TESK2: variants seen among roughly 807,000 people sequenced by gnomAD.
TESK2 encodes testis associated actin remodelling kinase 2.
TESK2 carries 39 observed loss-of-function variants against 57.1 expected under a neutral mutation model. The observed-to-expected ratio is 0.68, with a 90% CI of 0.53 to 0.89. The LOEUF (loss-of-function observed/expected upper bound fraction) is 0.89. Ranked by LOEUF, TESK2 falls within the 40% of genes least tolerant of loss-of-function variation. TESK2 has a pLI of 0.00. For synonymous variants in TESK2, 249 were observed against 267.9 expected (o/e 0.93, Z 0.69); for missense variants, 646 against 732.1 (o/e 0.88, Z 1.36).
At chr1:45,416,809 CAG>C (rs972623907) in intron 3 of TESK2, among the ~76,000 whole-genome samples, 3 of 149,962 alleles carry the variant, frequency 2.0e-5, no homozygotes, top group Middle Eastern at 3.4e-3. Flanking sequence ...TTTTTTGAGA[CAG>C]AGTCTTGCTC....
chr1:45,370,582 G>C (rs1329395915), intron 4 of TESK2, among the ~76,000 whole-genome samples: 4 of 152,132 alleles, frequency 2.6e-5, no homozygotes, highest in Non-Finnish European at 5.9e-5. Flanking sequence ...AACTACTCTT[G>C]GAAGATCAGA....
rs74227009 is a variant in TESK2, at chr1:45,381,802, A to T, written c.393+4110T>A. ...TACACTTCCCTGATACTTGTGACTA[A>T]GTGAAAGACAAGGTTAGGTCTTGTG... On this transcript the variant is annotated intron_variant, in intron 4 of 10. Transcript: ENST00000372086. Among the ~76,000 whole-genome samples the T allele has an allele frequency of 6.3e-4, 95 of 151,348 alleles. No homozygotes were observed. In the East Asian group the frequency reaches 0.014, roughly 22 times the overall value.
chr1:45,414,569 G>A (rs556695354), intron 3 of TESK2, among the ~76,000 whole-genome samples: 80 of 152,268 alleles, frequency 5.3e-4, no homozygotes, highest in African/African-American at 1.8e-3. Flanking sequence ...AGGATCAAAA[G>A]GAGATAAGCT....
At chr1:45,485,325 C>T (rs1653420147) in intron 1 of TESK2, among the ~76,000 whole-genome samples, 1 of 150,182 alleles carries the variant, frequency 6.7e-6, no homozygotes, top group South Asian at 2.1e-4. Flanking sequence ...GTAGCTGGGA[C>T]GACATACATG....
Position 45,376,586 on chromosome 1 carries a change from C to T in TESK2, c.393+9326G>A, listed in dbSNP as rs374442726. Among the ~76,000 whole-genome samples, 4 of 152,112 alleles carry T rather than the reference C, an allele frequency of 2.6e-5. No homozygotes were observed. The East Asian group carries it at 7.7e-4, about 29-fold the overall frequency. On this transcript the variant is annotated intron_variant, in intron 4 of 10. Coordinates refer to ENST00000372086, the MANE Select transcript of TESK2 (RefSeq NM_007170.3). ...TTCAGCTTTCTTAGAGTTGGGTCTA[C>T]ACTAGACCATCAACTACAAACACAC... is the stretch of plus-strand genomic sequence containing the variant.
intron 4 of TESK2, among the ~76,000 whole-genome samples, chr1:45,372,623 T>C (rs1342394896): frequency 6.6e-6 from 1 of 151,660 alleles, no homozygotes; most frequent in African/African-American, 2.4e-5. Context: ...CAGTAGCTAC[T>C]GTCCCTATTA....
intron 4 of TESK2, among the ~76,000 whole-genome samples, chr1:45,379,925 G>C (rs1402562317): frequency 1.3e-5 from 2 of 151,864 alleles, no homozygotes; most frequent in Non-Finnish European, 2.9e-5. Context: ...GTCTCGCTCT[G>C]TTGCCTAGAG....
intron 3 of TESK2, among the ~76,000 whole-genome samples, chr1:45,397,751 G>T (rs540110792): frequency 5.9e-5 from 9 of 152,030 alleles, no homozygotes; most frequent in Non-Finnish European, 1.2e-4. Context: ...ATATTGTTGT[G>T]AGAATGAGTC....
intron 3 of TESK2, among the ~76,000 whole-genome samples, chr1:45,415,589 TGAAA>T (rs1219907836): frequency 6.6e-6 from 1 of 152,124 alleles, no homozygotes; most frequent in African/African-American, 2.4e-5. Flanking sequence ...AATAGGCCAC[TGAAA>T]GAAGCAGCCA....
chr1:45,462,545 T>C (rs942617695), intron 1 of TESK2, among the ~76,000 whole-genome samples: 4 of 152,240 alleles, frequency 2.6e-5, no homozygotes, highest in Admixed American at 6.5e-5. Context: ...GTGCTGAGAT[T>C]ACAGGCGTGA....
At chr1:45,403,745 T>C (rs1364399697) in intron 3 of TESK2, among the ~76,000 whole-genome samples, 3 of 152,090 alleles carry the variant, frequency 2.0e-5, no homozygotes, top group African/African-American at 7.2e-5. Flanking sequence ...GTTTAATAAA[T>C]AGAAAACAGC....
chr1:45,400,730 G>A (rs528161224), intron 3 of TESK2, among the ~76,000 whole-genome samples: 18 of 152,086 alleles, frequency 1.2e-4, no homozygotes, highest in Admixed American at 3.9e-4. Flanking sequence ...AAACAAAGAA[G>A]TGAACGAAGA....
rs762055990 is a variant in TESK2 at position 45,346,013 on chromosome 1, G to A, written c.880-19C>T. ...GATCCATCTGTAGGTATCCACAACA[G>A]CCATGAGCTCTGCCCTCCATCTCCC... On this transcript the variant is annotated intron_variant, in intron 9 of 10. Coordinates refer to ENST00000372086, the MANE Select transcript of TESK2 (RefSeq NM_007170.3). The A allele has an allele frequency of 6.3e-7, 1 of 1,578,718 alleles. No homozygotes were observed. Among genetic ancestry groups the A allele is most frequent in the South Asian group, 1.1e-5 (1 of 90,348 alleles).
intron 4 of TESK2, among the ~76,000 whole-genome samples, chr1:45,369,634 C>A (rs1001868356): frequency 6.6e-6 from 1 of 151,638 alleles, no homozygotes; most frequent in Non-Finnish European, 1.5e-5. Context: ...AGAGAGGATG[C>A]GGCCGAGAAA....
chr1:45,374,061 A>C (rs1648309798), intron 4 of TESK2, among the ~76,000 whole-genome samples: 1 of 152,248 alleles, frequency 6.6e-6, no homozygotes, highest in Admixed American at 6.5e-5. Flanking sequence ...GGGGATTAGG[A>C]GAAAGATTAG....
At chr1:45,458,704 AAGG>A (rs780142838) in intron 1 of TESK2, among the ~76,000 whole-genome samples, 1 of 151,916 alleles carries the variant, frequency 6.6e-6, no homozygotes, top group African/African-American at 2.4e-5. Context: ...CAAACATTAC[AAGG>A]AGACTTCAAA....
chr1:45,419,609 A>G (rs1208814304), intron 3 of TESK2, among the ~76,000 whole-genome samples: 1 of 151,938 alleles, frequency 6.6e-6, no homozygotes, highest in Non-Finnish European at 1.5e-5. Context: ...AGTTCAAGAC[A>G]AGCCTGGCCA....
intron 5 of TESK2, among the ~76,000 whole-genome samples, chr1:45,350,294 C>G (rs1259447666): frequency 6.6e-6 from 1 of 152,178 alleles, no homozygotes; most frequent in African/African-American, 2.4e-5. Flanking sequence ...TGGGCCAGAT[C>G]AGACACCTGA....
chr1:45,418,000 A>C (rs879829562), intron 3 of TESK2, among the ~76,000 whole-genome samples: 2 of 152,206 alleles, frequency 1.3e-5, no homozygotes, highest in Non-Finnish European at 2.9e-5. Flanking sequence ...ATTTAAAGTC[A>C]ACTTTCCATG....
Sources: allele counts gnomAD v4.1 joint callset (sites outside exome capture counted in the v4.1 genomes callset), GRCh38; gene constraint gnomAD v4.1.1; transcripts MANE v1.5; gene names NCBI Gene and HGNC (gene_info 2026-07-23, HGNC 2026-07-21).